Variants in SCHIP1 observed in about 807,000 individuals in gnomAD.
SCHIP1 encodes the protein schwannomin-interacting protein 1.
A neutral mutation model predicts 29.7 loss-of-function variants in SCHIP1; 8 were observed. That is an observed-to-expected ratio of 0.27 (90% confidence interval 0.16 to 0.49). The LOEUF (loss-of-function observed/expected upper bound fraction) is 0.49, where lower values mean the gene tolerates loss of function less well. Ranked by LOEUF, SCHIP1 falls within the 20% of genes least tolerant of loss-of-function variation. SCHIP1 has a pLI of 0.99. For synonymous variants in SCHIP1, 76 were observed against 94.9 expected (o/e 0.80, Z 1.16); for missense variants, 193 against 294.6 (o/e 0.66, Z 2.52).
At chr3:159,866,341 A>C in intron 2 of SCHIP1, 60 bp downstream of exon 3, 5 of 1,455,468 alleles carry the variant, frequency 3.4e-6, no homozygotes, top group Non-Finnish European at 4.7e-6. Context: ...TCACTTGACT[A>C]TTCTAATAAA....
chr3:159,443,991 TA>T, the SCHIP1 span, among the ~76,000 whole-genome samples: 2 of 152,056 alleles, frequency 1.3e-5, no homozygotes, highest in Non-Finnish European at 2.9e-5. Flanking sequence ...CAGAAGACTG[TA>T]GGGAAAGAGT....
the SCHIP1 span, among the ~76,000 whole-genome samples, chr3:159,541,670 G>A: frequency 6.6e-6 from 1 of 152,004 alleles, no homozygotes; most frequent in Non-Finnish European, 1.5e-5. Context: ...TTCCTTAATT[G>A]AACAAAATTA....
chr3:159,455,213 G>A, the SCHIP1 span, among the ~76,000 whole-genome samples: 1 of 152,144 alleles, frequency 6.6e-6, no homozygotes, highest in Non-Finnish European at 1.5e-5. Context: ...TTTACCTAGA[G>A]CCAGGGTATT....
chr3:159,470,967 G>C, the SCHIP1 span, among the ~76,000 whole-genome samples: 1 of 152,090 alleles, frequency 6.6e-6, no homozygotes, highest in Non-Finnish European at 1.5e-5. Flanking sequence ...AATCAAACCA[G>C]TGGTTGCCTG....
At chr3:159,881,489 A>G (rs1716436927) in intron 2 of SCHIP1, among the ~76,000 whole-genome samples, 1 of 152,248 alleles carries the variant, frequency 6.6e-6, no homozygotes, top group Non-Finnish European at 1.5e-5. Flanking sequence ...AGTCCCTGGC[A>G]TATGGGACAT....
At chr3:159,705,834 G>C in the SCHIP1 span, among the ~76,000 whole-genome samples, 1 of 152,112 alleles carries the variant, frequency 6.6e-6, no homozygotes, top group South Asian at 2.1e-4. Flanking sequence ...AGCCTCCCAA[G>C]TAGCTGGGAC....
chr3:159,596,152 A>T, the SCHIP1 span, among the ~76,000 whole-genome samples: 1 of 152,238 alleles, frequency 6.6e-6, no homozygotes, highest in Non-Finnish European at 1.5e-5. Flanking sequence ...ATGAACAGAC[A>T]CTTCTCAAAA....
At chr3:159,714,384 C>G in the SCHIP1 span, among the ~76,000 whole-genome samples, 564 of 152,302 alleles carry the variant, frequency 3.7e-3, 6 homozygotes, top group African/African-American at 0.012. Flanking sequence ...GCTTGTCGGA[C>G]AGTGGGTGCA....
At chr3:159,455,144 T>C in the SCHIP1 span, among the ~76,000 whole-genome samples, 1 of 152,308 alleles carries the variant, frequency 6.6e-6, no homozygotes, top group South Asian at 2.1e-4. Flanking sequence ...ATTAAGATTC[T>C]CTAATATATT....
chr3:159,708,982 C>T, the SCHIP1 span, among the ~76,000 whole-genome samples: 1 of 152,170 alleles, frequency 6.6e-6, no homozygotes, highest in South Asian at 2.1e-4. Flanking sequence ...CAATTGGAAG[C>T]CAGAGAACAG....
chr3:159,862,175 A>G (rs1056196757), intron 1 of SCHIP1, among the ~76,000 whole-genome samples: 2 of 152,182 alleles, frequency 1.3e-5, no homozygotes, highest in African/African-American at 4.8e-5. Context: ...CATCACATCC[A>G]TCTCAGGGAA....
At chr3:159,435,700 C>T in the SCHIP1 span, among the ~76,000 whole-genome samples, 12 of 152,162 alleles carry the variant, frequency 7.9e-5, no homozygotes, top group African/African-American at 1.4e-4. Flanking sequence ...ATTTGAAACA[C>T]GCTAATAAGA....
intron 2 of SCHIP1, among the ~76,000 whole-genome samples, chr3:159,878,908 A>G (rs116525393): frequency 0.011 from 1,609 of 150,080 alleles, 8 homozygotes; most frequent in Non-Finnish European, 0.016. Flanking sequence ...TCCAAAGCCA[A>G]CTGAAACTCT....
At chr3:159,330,084 C>T in the SCHIP1 span, among the ~76,000 whole-genome samples, 2 of 152,172 alleles carry the variant, frequency 1.3e-5, no homozygotes, top group Non-Finnish European at 2.9e-5. Flanking sequence ...GAGGTGAACA[C>T]ACTGTTTATC....
chr3:159,728,751 G>A, the SCHIP1 span, among the ~76,000 whole-genome samples: 5 of 152,346 alleles, frequency 3.3e-5, no homozygotes, highest in African/African-American at 1.2e-4. Context: ...TGAACTCTGA[G>A]AGGCCCTGGA....
At chr3:159,493,760 C>A in the SCHIP1 span, among the ~76,000 whole-genome samples, 1 of 152,156 alleles carries the variant, frequency 6.6e-6, no homozygotes, top group African/African-American at 2.4e-5. Flanking sequence ...ACCTAATAGA[C>A]ATCCACAGAA....
chr3:159,588,648 G>A, the SCHIP1 span, among the ~76,000 whole-genome samples: 13 of 152,286 alleles, frequency 8.5e-5, no homozygotes, highest in African/African-American at 2.9e-4. Flanking sequence ...TGTATAAGGT[G>A]TAAGGAAGAG....
upstream of SCHIP1, among the ~76,000 whole-genome samples, chr3:159,839,287 ATT>A (rs200050363): frequency 4.0e-4 from 48 of 118,936 alleles, no homozygotes; most frequent in African/African-American, 1.8e-3. Context: ...AAAGCCTTAC[ATT>A]AAAAAAAAAA....
chr3:159,390,202 A>C, the SCHIP1 span, among the ~76,000 whole-genome samples: 1,473 of 152,250 alleles, frequency 9.7e-3, 20 homozygotes, highest in African/African-American at 0.033. Context: ...GAGAGTCAGG[A>C]TAGGACTTTT....
Sources: allele counts gnomAD v4.1 joint callset (sites outside exome capture counted in the v4.1 genomes callset), GRCh38; gene constraint gnomAD v4.1.1; transcripts MANE v1.5; gene names NCBI Gene and HGNC (gene_info 2026-07-23, HGNC 2026-07-21).